Variants in COL25A1 observed in about 807,000 individuals in gnomAD.
COL25A1 encodes the protein collagen alpha-1(XXV) chain.
COL25A1 carries 103 observed loss-of-function variants against 128.4 expected under a neutral mutation model. The ratio of observed to expected loss-of-function variants is 0.80; its 90% CI spans 0.68 to 0.94. The LOEUF (loss-of-function observed/expected upper bound fraction) is 0.94. COL25A1 is among the 40% of genes least tolerant of loss of function. The pLI is 0.00. For synonymous variants in COL25A1, 279 were observed against 277.2 expected, an observed-to-expected ratio of 1.01 and a Z score of -0.06; for missense variants, 745 against 840.0, an observed-to-expected ratio of 0.89 and a Z score of 1.40.
At chr4:108,902,440 C>T (rs765604454) in intron 13 of COL25A1, among the ~76,000 whole-genome samples, 19 of 151,976 alleles carry the variant, frequency 1.3e-4, no homozygotes, top group Non-Finnish European at 2.8e-4. Context: ...CACCATGTTA[C>T]ACTGATAAGT....
At chr4:109,141,951 T>C (rs899419467) in intron 3 of COL25A1, among the ~76,000 whole-genome samples, 6 of 152,200 alleles carry the variant, frequency 3.9e-5, no homozygotes, top group Admixed American at 1.3e-4. Context: ...ATCTTAGTTA[T>C]TTCTTGTCTT....
intron 3 of COL25A1, among the ~76,000 whole-genome samples, chr4:109,132,547 T>G (rs1459071755): frequency 6.6e-6 from 1 of 152,172 alleles, no homozygotes; most frequent in Non-Finnish European, 1.5e-5. Context: ...TTAAATGGAT[T>G]CTATTCTATC....
At chr4:109,122,897 G>A (rs914053017) in intron 3 of COL25A1, among the ~76,000 whole-genome samples, 6 of 151,996 alleles carry the variant, frequency 3.9e-5, no homozygotes, top group Non-Finnish European at 7.4e-5. Context: ...CAATGCCAAG[G>A]AATGACCGTA....
intron 3 of COL25A1, among the ~76,000 whole-genome samples, chr4:109,173,468 AATTGC>A (rs1459627341): frequency 6.6e-6 from 1 of 152,190 alleles, no homozygotes; most frequent in East Asian, 1.9e-4. Context: ...GAGTATATTA[AATTGC>A]ATTGCATTAA....
intron 5 of COL25A1, among the ~76,000 whole-genome samples, chr4:109,011,289 A>C (rs958271762): frequency 1.3e-5 from 2 of 152,236 alleles, no homozygotes; most frequent in Non-Finnish European, 2.9e-5. Context: ...TGTGGAGCTA[A>C]TACAACTCCC....
chr4:108,819,890 C>A, intron 35 of COL25A1: 2 of 1,228,090 alleles, frequency 1.6e-6, no homozygotes, highest in Non-Finnish European at 2.0e-6. Flanking sequence ...CTTTCTTTCC[C>A]TTTTCCCCCT....
intron 3 of COL25A1, among the ~76,000 whole-genome samples, chr4:109,097,662 ATT>A (rs780098779): frequency 4.1e-4 from 51 of 124,598 alleles, no homozygotes; most frequent in African/African-American, 1.2e-3. Context: ...GTAAACATCA[ATT>A]TTTTTTTTTT....
At chr4:108,819,709 G>C (rs10028701) in intron 35 of COL25A1, 68,692 of 489,028 alleles carry the variant, frequency 0.14, 5,497 homozygotes, top group East Asian at 0.34. Context: ...TGTTAAATGA[G>C]CCCAATCAGA....
intron 28 of COL25A1, 61 bp from the exon 29 acceptor site, chr4:108,845,312 T>C: frequency 7.5e-7 from 1 of 1,340,570 alleles, no homozygotes; most frequent in African/African-American, 1.4e-5. Context: ...AAGAGACAAC[T>C]GAATTTTCTC....
intron 3 of COL25A1, among the ~76,000 whole-genome samples, chr4:109,259,476 C>CA (rs1383623696): frequency 6.6e-6 from 1 of 152,170 alleles, no homozygotes; most frequent in Non-Finnish European, 1.5e-5. Flanking sequence ...ACAGGAACTA[C>CA]AATTCTGTCA....
intron 13 of COL25A1, among the ~76,000 whole-genome samples, chr4:108,911,861 A>G (rs1166212627): frequency 7.7e-6 from 1 of 130,368 alleles, no homozygotes; most frequent in Admixed American, 8.5e-5. Flanking sequence ...AGCTACCCCT[A>G]TTCTCTCAGC....
chr4:109,054,009 A>T (rs1761221422), intron 3 of COL25A1, among the ~76,000 whole-genome samples: 1 of 152,200 alleles, frequency 6.6e-6, no homozygotes, highest in Non-Finnish European at 1.5e-5. Context: ...CTTAATGGTC[A>T]CCACTGACAC....
chr4:109,087,302 C>T (rs1480486567), intron 3 of COL25A1, among the ~76,000 whole-genome samples: 1 of 151,878 alleles, frequency 6.6e-6, no homozygotes, highest in African/African-American at 2.4e-5. Context: ...TACAAGAAAC[C>T]TTAAGATTGC....
In COL25A1 at chr4:109,076,898, G is replaced by A. The variant is rs148779731; in HGVS notation, c.368-26719C>T. On this transcript the variant is annotated intron_variant, in intron 3 of 37. Coordinates refer to ENST00000399132, the MANE Select transcript of COL25A1 (RefSeq NM_198721.4). ...CATTGCTGATTTGACAGGAGGTGGCGCTCAGGCAGTAATGCAAGCAATGGA... is the reference window on the plus strand; with the variant it reads ...CATTGCTGATTTGACAGGAGGTGGCACTCAGGCAGTAATGCAAGCAATGGA... Among the ~76,000 whole-genome samples the A allele has an allele frequency of 4.0e-3, 602 of 152,184 alleles. 3 individuals are homozygous for A. Among genetic ancestry groups the A allele is most frequent in the African/African-American group, 0.013 (557 of 41,522 alleles).
At chr4:109,243,178 A>G (rs1452929793) in intron 3 of COL25A1, among the ~76,000 whole-genome samples, 4 of 152,122 alleles carry the variant, frequency 2.6e-5, no homozygotes, top group Non-Finnish European at 5.9e-5. Context: ...TTCATAAACT[A>G]AATACAATTT....
In COL25A1 at chr4:109,018,459, G is replaced by A. The variant is rs185153409; in HGVS notation, c.421-8084C>T. On this transcript the variant is annotated intron_variant, in intron 5 of 37. Transcript: ENST00000399132. ...GGCTGGTCTCAAATTCCTGACCTCA[G>A]GTGATCCACCCACTTCAGCCTCCCA... Among the ~76,000 whole-genome samples the A allele has an allele frequency of 2.0e-5, 3 of 152,200 alleles. No individual in the cohort carries two copies. The East Asian group carries it at 5.8e-4, about 29-fold the overall frequency.
At chr4:108,969,738 C>A (rs1012805532) in intron 8 of COL25A1, among the ~76,000 whole-genome samples, 2 of 151,722 alleles carry the variant, frequency 1.3e-5, no homozygotes, top group African/African-American at 4.9e-5. Context: ...GTCAGCTCAT[C>A]CGTTCTGCTT....
intron 5 of COL25A1, among the ~76,000 whole-genome samples, chr4:109,012,916 C>A (rs544826874): frequency 6.6e-6 from 1 of 152,208 alleles, no homozygotes; most frequent in Admixed American, 6.5e-5. Context: ...ATCCACTAGG[C>A]GAAGCCAGCT....
intron 3 of COL25A1, among the ~76,000 whole-genome samples, chr4:109,283,423 T>C (rs1486280538): frequency 6.6e-6 from 1 of 152,012 alleles, no homozygotes; most frequent in East Asian, 1.9e-4. Flanking sequence ...ATTTTTTTTC[T>C]TTTTCTTTTT....
Sources: allele counts gnomAD v4.1 joint callset (sites outside exome capture counted in the v4.1 genomes callset), GRCh38; gene constraint gnomAD v4.1.1; transcripts MANE v1.5; gene names NCBI Gene and HGNC (gene_info 2026-07-23, HGNC 2026-07-21).